PLCB1: variants seen among roughly 807,000 people sequenced by gnomAD.
PLCB1 encodes 1-phosphatidylinositol 4,5-bisphosphate phosphodiesterase beta-1.
A neutral mutation model predicts 161.8 loss-of-function variants in PLCB1; 46 were observed. That is an observed-to-expected ratio of 0.28 (90% CI 0.22 to 0.36). The LOEUF (loss-of-function observed/expected upper bound fraction) is 0.36, where lower values mean the gene tolerates loss of function less well. Ranked by LOEUF, PLCB1 falls within the 10% of genes least tolerant of loss-of-function variation. The probability of loss-of-function intolerance (pLI) is 1.00; values close to 1 mark genes in which losing one functional copy is unlikely to be tolerated. For synonymous variants in PLCB1, 517 were observed against 503.7 expected, an observed-to-expected ratio of 1.03 and a Z score of -0.35; for missense variants, 1,016 against 1,472.5, an observed-to-expected ratio of 0.69 and a Z score of 5.07.
chr20:8,339,689 A>G (rs1182495647), intron 2 of PLCB1, among the ~76,000 whole-genome samples: 1 of 152,202 alleles, frequency 6.6e-6, no homozygotes, highest in African/African-American at 2.4e-5. Flanking sequence ...GTTGATCCTC[A>G]TCACTGAAAC....
intron 2 of PLCB1, among the ~76,000 whole-genome samples, chr20:8,248,302 C>T (rs1980979165): frequency 6.6e-6 from 1 of 151,886 alleles, no homozygotes; most frequent in African/African-American, 2.4e-5. Flanking sequence ...GGGCTATCAC[C>T]TCCCAAGCAC....
At chr20:8,336,364 G>T (rs936099945) in intron 2 of PLCB1, among the ~76,000 whole-genome samples, 4 of 151,988 alleles carry the variant, frequency 2.6e-5, no homozygotes, top group African/African-American at 9.7e-5. Context: ...CCTTAAACTG[G>T]GAATCAAATT....
intron 31 of PLCB1, among the ~76,000 whole-genome samples, chr20:8,855,557 A>G (rs1291273905): frequency 6.6e-6 from 1 of 152,214 alleles, no homozygotes; most frequent in Non-Finnish European, 1.5e-5. Flanking sequence ...CATTCCAGCA[A>G]GTTTAATAGG....
At chr20:8,680,406 C>T (rs1990184713) in intron 9 of PLCB1, among the ~76,000 whole-genome samples, 1 of 152,200 alleles carries the variant, frequency 6.6e-6, no homozygotes, top group African/African-American at 2.4e-5. Context: ...CCTTAGCTGA[C>T]ACCTACAAGA....
intron 3 of PLCB1, among the ~76,000 whole-genome samples, chr20:8,524,540 A>G (rs547734726): frequency 2.0e-5 from 3 of 152,280 alleles, no homozygotes; most frequent in Admixed American, 6.5e-5. Flanking sequence ...GGCCAACAGT[A>G]TCAGTCAGGG....
In PLCB1 at chr20:8,133,563, C is replaced by T. The variant is rs139667210; in HGVS notation, c.99+813C>T. Reference sequence around the variant, plus strand: ...GCCGGGGTCTCTAATGCTTTACGAGCGGCCCAGACCCCAGGACTTCAAATG... The same window carrying T: ...GCCGGGGTCTCTAATGCTTTACGAGTGGCCCAGACCCCAGGACTTCAAATG... On this transcript the variant is annotated intron_variant, in intron 1 of 31. Coordinates refer to ENST00000338037, the MANE Select transcript of PLCB1 (RefSeq NM_015192.4). 1.4e-3 allele frequency among the ~76,000 whole-genome samples: 208 copies of T among 152,306 alleles called. 3 individuals are homozygous for T. The East Asian group carries it at 0.033, about 24-fold the overall frequency.
intron 9 of PLCB1, among the ~76,000 whole-genome samples, chr20:8,668,279 A>G (rs1392654601): frequency 1.3e-5 from 2 of 152,176 alleles, no homozygotes; most frequent in African/African-American, 4.8e-5. Flanking sequence ...AAGGATTTCA[A>G]AAATCTCTTA....
At chr20:8,634,806 A>G (rs1988710343) in intron 4 of PLCB1, among the ~76,000 whole-genome samples, 1 of 152,226 alleles carries the variant, frequency 6.6e-6, no homozygotes, top group African/African-American at 2.4e-5. Flanking sequence ...GTGACCCAAC[A>G]TAGTCCCTAC....
intron 2 of PLCB1, among the ~76,000 whole-genome samples, chr20:8,312,988 T>C (rs1045988089): frequency 6.6e-6 from 1 of 152,192 alleles, no homozygotes; most frequent in African/African-American, 2.4e-5. Context: ...TTGAAAATGA[T>C]GTCATGTATA....
intron 9 of PLCB1, among the ~76,000 whole-genome samples, chr20:8,673,579 G>T (rs187478644): frequency 1.3e-4 from 20 of 152,230 alleles, no homozygotes; most frequent in Admixed American, 1.3e-3. Context: ...AGGCCTCTTG[G>T]TTCTGTTCTG....
At chr20:8,693,415 T>A (rs1361713861) in intron 10 of PLCB1, among the ~76,000 whole-genome samples, 1 of 152,126 alleles carries the variant, frequency 6.6e-6, no homozygotes, top group Non-Finnish European at 1.5e-5. Flanking sequence ...AGAAATCAGA[T>A]CAAACAGATG....
intron 9 of PLCB1, among the ~76,000 whole-genome samples, chr20:8,669,505 G>A (rs1032847112): frequency 6.6e-6 from 1 of 152,208 alleles, no homozygotes; most frequent in African/African-American, 2.4e-5. Context: ...CTGAATGGAA[G>A]CCTTCATGCT....
intron 24 of PLCB1, among the ~76,000 whole-genome samples, chr20:8,759,192 G>A (rs1431924643): frequency 6.6e-6 from 1 of 152,140 alleles, no homozygotes; most frequent in Admixed American, 6.5e-5. Context: ...CCCATGATTA[G>A]GTTGAGGGCA....
At chr20:8,654,300 T>A (rs1447234331) in intron 7 of PLCB1, among the ~76,000 whole-genome samples, 2 of 152,090 alleles carry the variant, frequency 1.3e-5, no homozygotes, top group African/African-American at 2.4e-5. Flanking sequence ...ACTAGCCTTC[T>A]TAAGTCATCC....
chr20:8,851,712 GTT>G lies in PLCB1; in HGVS notation c.3424-29898_3424-29897del, dbSNP rs11479187. ...GCTTCCATCTCCATTTCTTTTTTTG[GTT>G]TTTTTTTTTTTCATTTTTTTCATTT... On this transcript the variant is annotated intron_variant, in intron 31 of 31. Transcript: ENST00000338037. Among the ~76,000 whole-genome samples the G allele has an allele frequency of 7.4e-4, 106 of 142,962 alleles. 1 individual carries two copies. Among genetic ancestry groups the G allele is most frequent in the East Asian group, 3.9e-3 (19 of 4,904 alleles). The allele number at this position is 142,962 out of a possible 152,430, so 93.8% of individuals were successfully genotyped here.
chr20:8,741,603 C>CA (rs748469279), intron 23 of PLCB1, 30 bp downstream of exon 23: 15 of 1,423,242 alleles, frequency 1.1e-5, no homozygotes, highest in Non-Finnish European at 1.3e-5. Flanking sequence ...TTACATATAG[C>CA]ATTAAGCATG....
At position 8,330,450 on chromosome 20, in the gene PLCB1, C is replaced by T. The variant is rs550166591; in HGVS notation, c.178-40932C>T. Among the ~76,000 whole-genome samples, 80 of 152,256 alleles carry T rather than the reference C, an allele frequency of 5.3e-4. 1 individual carries two copies. Among genetic ancestry groups the T allele is most frequent in the South Asian group, 4.8e-3 (23 of 4,828 alleles). ...CCATGCTGCATTGATAAAATGTGCT[C>T]CTTAGCAGGCGCTCAAATGTTACAC... On this transcript the variant is annotated intron_variant, in intron 2 of 31. Coordinates refer to ENST00000338037, the MANE Select transcript of PLCB1 (RefSeq NM_015192.4).
intron 17 of PLCB1, among the ~76,000 whole-genome samples, chr20:8,727,754 A>G (rs968334228): frequency 1.3e-5 from 2 of 152,206 alleles, no homozygotes; most frequent in Non-Finnish European, 1.5e-5. Context: ...ATGAGTGTGC[A>G]TACTTTACAC....
chr20:8,748,993 T>TA (rs1424008470), intron 23 of PLCB1, among the ~76,000 whole-genome samples: 3 of 152,218 alleles, frequency 2.0e-5, no homozygotes, highest in African/African-American at 7.2e-5. Flanking sequence ...TTGAGAATCT[T>TA]GTTACAATGC....
Sources: allele counts gnomAD v4.1 joint callset (sites outside exome capture counted in the v4.1 genomes callset), GRCh38; gene constraint gnomAD v4.1.1; transcripts MANE v1.5; gene names NCBI Gene and HGNC (gene_info 2026-07-23, HGNC 2026-07-21).